The following DLGAP1 variants were observed in gnomAD, a reference collection of about 807,000 sequenced individuals.
The protein encoded by DLGAP1 is DLG associated protein 1, also known as disks large-associated protein 1.
In DLGAP1, 11 loss-of-function variants were observed where a neutral mutation model predicts 90.8. The observed-to-expected ratio is 0.12, with a 90% CI of 0.08 to 0.20. DLGAP1 has a LOEUF of 0.20. Ranked by LOEUF, DLGAP1 falls within the 10% of genes least tolerant of loss-of-function variation. The pLI, the probability that DLGAP1 is intolerant of heterozygous loss-of-function variation, is 1.00. For missense variants in DLGAP1, 1,050 were observed against 1,333.8 expected (o/e 0.79, Z 3.31); for synonymous variants, 558 against 540.7 (o/e 1.03, Z -0.44).
At chr18:4,360,422 A>C (rs1432283095) in intron 1 of DLGAP1, among the ~76,000 whole-genome samples, 1 of 152,244 alleles carries the variant, frequency 6.6e-6, no homozygotes, top group Non-Finnish European at 1.5e-5. Flanking sequence ...GGAAATGGAG[A>C]TAGAAGAGAA....
At chr18:4,386,337 G>A (rs536814296) in intron 1 of DLGAP1, among the ~76,000 whole-genome samples, 3 of 152,054 alleles carry the variant, frequency 2.0e-5, no homozygotes, top group African/African-American at 7.2e-5. Context: ...ATTATTAGAA[G>A]ACAAACAAAA....
intron 2 of DLGAP1, among the ~76,000 whole-genome samples, chr18:4,063,678 C>A: frequency 6.6e-6 from 1 of 152,040 alleles, no homozygotes; most frequent in Non-Finnish European, 1.5e-5. Flanking sequence ...TCTATTCTCA[C>A]TAAGGGAGCC....
intron 1 of DLGAP1, among the ~76,000 whole-genome samples, chr18:4,335,006 A>C (rs2081038272): frequency 6.6e-6 from 1 of 151,884 alleles, no homozygotes; most frequent in Admixed American, 6.6e-5. Context: ...CATTTCATGC[A>C]ATAGCTGTGT....
intron 10 of DLGAP1, among the ~76,000 whole-genome samples, chr18:3,510,752 T>C (rs1568102022): frequency 6.6e-6 from 1 of 152,214 alleles, no homozygotes; most frequent in Non-Finnish European, 1.5e-5. Flanking sequence ...CTATTCTGAC[T>C]TACCTAAAAA....
At chr18:4,032,933 T>A (rs186606073) in intron 2 of DLGAP1, among the ~76,000 whole-genome samples, 36 of 152,250 alleles carry the variant, frequency 2.4e-4, no homozygotes, top group Admixed American at 1.8e-3. Flanking sequence ...GATAAGTAAA[T>A]ACACATTGAA....
rs111686338 is a variant in DLGAP1, at chr18:3,760,584, C to T, written c.1173-18072G>A. On this transcript the variant is annotated intron_variant, in intron 5 of 12. Coordinates refer to ENST00000315677, the MANE Select transcript of DLGAP1 (RefSeq NM_004746.4). ...TTGGGCTACAGGCTGCTTTCATGAT[C>T]GCAGGAGGTCTGTGTGAGAACGCGG... is the stretch of plus-strand genomic sequence containing the variant. Among the ~76,000 whole-genome samples the T allele has an allele frequency of 6.8e-3, 1,042 of 152,190 alleles. 15 individuals are homozygous for T. The highest frequency in any genetic ancestry group is 0.024 in the African/African-American group (978 of 41,512).
chr18:4,313,133 G>C (rs2080442957), intron 1 of DLGAP1, among the ~76,000 whole-genome samples: 1 of 152,096 alleles, frequency 6.6e-6, no homozygotes, highest in African/African-American at 2.4e-5. Context: ...AATGTTTATG[G>C]TGCTTGGCAT....
chr18:3,798,504 C>T (rs921563844), intron 5 of DLGAP1, among the ~76,000 whole-genome samples: 2 of 152,154 alleles, frequency 1.3e-5, no homozygotes, highest in Non-Finnish European at 2.9e-5. Context: ...CAGGGCCGAC[C>T]CTGGGGGATT....
intron 4 of DLGAP1, among the ~76,000 whole-genome samples, chr18:3,820,075 A>G (rs2067321040): frequency 6.6e-6 from 1 of 152,188 alleles, no homozygotes; most frequent in South Asian, 2.1e-4. Flanking sequence ...GTCTGTGCCA[A>G]TGATGGTCTG....
chr18:3,810,343 C>T (rs548626773), intron 5 of DLGAP1, among the ~76,000 whole-genome samples: 4 of 152,162 alleles, frequency 2.6e-5, no homozygotes, highest in East Asian at 1.9e-4. Flanking sequence ...AAGATGCCTT[C>T]GGAAAATAGA....
chr18:4,217,535 A>T (rs2077983041), intron 1 of DLGAP1, among the ~76,000 whole-genome samples: 1 of 152,032 alleles, frequency 6.6e-6, no homozygotes, highest in African/African-American at 2.4e-5. Context: ...TTGGTACTGC[A>T]GTTCTTTAAT....
At chr18:4,452,658 A>G (rs1483325497) in intron 1 of DLGAP1, among the ~76,000 whole-genome samples, 2 of 152,186 alleles carry the variant, frequency 1.3e-5, no homozygotes, top group South Asian at 2.1e-4. Flanking sequence ...GCGCTACATA[A>G]TATTTTGGAA....
In DLGAP1 at chr18:4,257,749, C is replaced by T. The variant is rs589567; in HGVS notation, c.-266-106462G>A. 4.1e-3 allele frequency among the ~76,000 whole-genome samples: 623 copies of T among 151,560 alleles called. 4 individuals are homozygous for T. The highest frequency in any genetic ancestry group is 0.015 in the African/African-American group (599 of 41,302). ...AAGCAATTCTCCTGCCTCAGCCTCC[C>T]GAGTAGCTGAGACTATAGATGCATG... is the stretch of plus-strand genomic sequence containing the variant. On this transcript the variant is annotated intron_variant, in intron 1 of 12. Transcript: ENST00000315677.
chr18:4,420,144 A>G (rs1033421567), intron 1 of DLGAP1, among the ~76,000 whole-genome samples: 1 of 152,238 alleles, frequency 6.6e-6, no homozygotes, highest in Admixed American at 6.5e-5. Context: ...AAGAAGACAT[A>G]ACAATTCTAA....
At chr18:3,846,640 G>C (rs911507510) in intron 4 of DLGAP1, among the ~76,000 whole-genome samples, 1 of 152,156 alleles carries the variant, frequency 6.6e-6, no homozygotes, top group African/African-American at 2.4e-5. Context: ...ATTGATACCT[G>C]CTATAACATG....
chr18:3,581,946 C>G lies in DLGAP1; in HGVS notation c.1894G>C (p.Ala632Pro). ...TATVTTTTTIATVTTEDRKKD... is the reference protein window; with the variant it reads ...TATVTTTTTIPTVTTEDRKKD... ...TTCCTGTCCTCCGTGGTGACGGTGG[C>G]TATGGTAGTCGTGGTGGTGACGGTG... The change falls in exon 8 of 13, where the codon GCC (alanine) becomes CCC (proline). Residue 632 changes from alanine (A) to proline (P), a missense_variant. By Grantham distance (27) the Ala-to-Pro change is conservative. Coordinates refer to ENST00000315677, the MANE Select transcript of DLGAP1 (RefSeq NM_004746.4). 6.2e-7 allele frequency: 1 copy of G among 1,614,066 alleles called. No homozygotes were observed. The highest frequency in any genetic ancestry group is 8.5e-7 in the Non-Finnish European group (1 of 1,179,996).
chr18:3,984,668 T>C (rs1328157529), intron 3 of DLGAP1, among the ~76,000 whole-genome samples: 4 of 152,174 alleles, frequency 2.6e-5, no homozygotes, highest in African/African-American at 9.7e-5. Flanking sequence ...TCTTTGGCAT[T>C]TTCTCTGCCT....
intron 9 of DLGAP1, among the ~76,000 whole-genome samples, chr18:3,558,610 C>A (rs1035963235): frequency 6.6e-5 from 10 of 152,110 alleles, no homozygotes; most frequent in Admixed American, 4.6e-4. Flanking sequence ...AGAATTGACC[C>A]CTTTATCATC....
intron 1 of DLGAP1, among the ~76,000 whole-genome samples, chr18:4,424,928 G>A (rs116727824): frequency 2.6e-5 from 4 of 151,872 alleles, no homozygotes; most frequent in Non-Finnish European, 5.9e-5. Flanking sequence ...TCCACTGAAA[G>A]AAACTTCTTT....
Sources: gnomAD v4.1 joint callset for allele counts (sites outside exome capture counted in the v4.1 genomes callset) on GRCh38, gnomAD v4.1.1 for gene constraint, MANE v1.5 for transcripts, NCBI Gene and HGNC (gene_info 2026-07-23, HGNC 2026-07-21) for gene names.